The following UGP2 variants were observed in gnomAD, a reference collection of about 807,000 sequenced individuals.
The protein encoded by UGP2 is UTP--glucose-1-phosphate uridylyltransferase.
UGP2 carries 40 observed loss-of-function variants against 49.0 expected under a neutral mutation model. That is an observed-to-expected ratio of 0.82 (90% CI 0.63 to 1.06). The LOEUF (loss-of-function observed/expected upper bound fraction) is 1.06, where lower values mean the gene tolerates loss of function less well. Among genes scored for constraint, UGP2 ranks in the 50% least tolerant of loss-of-function variants. UGP2 has a pLI of 0.00. For missense variants in UGP2, 460 were observed against 603.5 expected, an observed-to-expected ratio of 0.76 and a Z score of 2.49; for synonymous variants, 225 against 213.0, an observed-to-expected ratio of 1.06 and a Z score of -0.49.
chr2:63,876,665 C>T (rs1011386079), intron 3 of UGP2, among the ~76,000 whole-genome samples: 7 of 152,192 alleles, frequency 4.6e-5, no homozygotes, highest in African/African-American at 7.2e-5. Flanking sequence ...AGAGGTGGGG[C>T]GGCTTTCTGC....
chr2:63,888,809 A>G (rs1239812735), intron 8 of UGP2: 3 of 152,238 alleles, frequency 2.0e-5, no homozygotes, highest in African/African-American at 7.2e-5. Context: ...CAGCGTTATA[A>G]CAAAGTAACA....
chr2:63,844,236 C>CCT (rs1315997378), intron 1 of UGP2, among the ~76,000 whole-genome samples: 4 of 152,092 alleles, frequency 2.6e-5, no homozygotes, highest in African/African-American at 9.7e-5. Flanking sequence ...AAATGATAAA[C>CCT]CTAATTGGCA....
intron 3 of UGP2, among the ~76,000 whole-genome samples, chr2:63,865,387 T>C (rs1670113502): frequency 6.6e-6 from 1 of 152,174 alleles, no homozygotes; most frequent in African/African-American, 2.4e-5. Flanking sequence ...ACTTTTGGTT[T>C]AGTGAGGAGA....
chr2:63,890,124 T>C lies in UGP2; in HGVS notation c.1358T>C (p.Leu453Pro), dbSNP rs1671987967. The part of the protein sequence containing the change: ...LRRFESIPDM[L>P]ELDHLTVSGD... ...AGATTTGAAAGTATACCAGATATGC[T>C]TGAATTGGATCACCTCACAGTTTCA... Residue 453 changes from leucine (L) to proline (P), a missense_variant, in exon 9 of 10, where the codon CTT becomes CCT. Around this residue, in one of 2 missense-constraint regions of UGP2, gnomAD observed 317 missense variants for 473.0 expected, o/e 0.67. Coordinates refer to ENST00000337130, the MANE Select transcript of UGP2 (RefSeq NM_006759.4). The C allele has an allele frequency of 6.2e-7, 1 of 1,612,638 alleles. No individual in the cohort carries two copies.
At chr2:63,841,394 G>A (rs1052089003), upstream of UGP2, among the ~76,000 whole-genome samples, 2 of 152,064 alleles carry the variant, frequency 1.3e-5, no homozygotes, top group Non-Finnish European at 2.9e-5. Flanking sequence ...GTACGGGAAG[G>A]GTCGGTGCCC....
intron 1 of UGP2, among the ~76,000 whole-genome samples, chr2:63,843,060 G>A (rs1472953115): frequency 6.6e-6 from 1 of 152,176 alleles, no homozygotes; most frequent in African/African-American, 2.4e-5. Context: ...CACACAGCTA[G>A]TAAAGTTCAC....
At chr2:63,863,988 C>G (rs1179439508) in intron 3 of UGP2, among the ~76,000 whole-genome samples, 1 of 152,174 alleles carries the variant, frequency 6.6e-6, no homozygotes, top group African/African-American at 2.4e-5. Flanking sequence ...AAAATATTCT[C>G]TTATTTCAAA....
At chr2:63,870,870 C>T (rs1558950035) in intron 3 of UGP2, among the ~76,000 whole-genome samples, 2 of 152,204 alleles carry the variant, frequency 1.3e-5, no homozygotes. Context: ...TGATAGGAGG[C>T]GGTAGCTCCC....
chr2:63,887,946 ATACT>A, intron 8 of UGP2: 1 of 308,136 alleles, frequency 3.2e-6, no homozygotes, highest in South Asian at 4.1e-5. Flanking sequence ...GGCTTAACAA[ATACT>A]TATTGAATGC....
chr2:63,870,201 T>A (rs1231524135), intron 3 of UGP2, among the ~76,000 whole-genome samples: 1 of 152,152 alleles, frequency 6.6e-6, no homozygotes, highest in African/African-American at 2.4e-5. Context: ...GGATTACCGG[T>A]GTGAGCCACC....
intron 8 of UGP2, chr2:63,889,328 C>CA (rs1167618081): frequency 6.6e-6 from 1 of 150,560 alleles, no homozygotes; most frequent in Non-Finnish European, 1.5e-5. Context: ...GATGTTTATA[C>CA]ATTAATGGGA....
chr2:63,874,515 CAGAA>C (rs934774926), intron 3 of UGP2, among the ~76,000 whole-genome samples: 2 of 151,940 alleles, frequency 1.3e-5, no homozygotes, highest in African/African-American at 2.4e-5. Context: ...AAGGAGCAGG[CAGAA>C]AGAGGAGGAA....
chr2:63,866,206 A>G (rs1043568415), intron 3 of UGP2, among the ~76,000 whole-genome samples: 1 of 152,214 alleles, frequency 6.6e-6, no homozygotes, highest in Non-Finnish European at 1.5e-5. Flanking sequence ...CAGAATGTAT[A>G]TTATTGATGT....
intron 1 of UGP2, among the ~76,000 whole-genome samples, chr2:63,850,030 C>T (rs1668943491): frequency 6.6e-6 from 1 of 152,178 alleles, no homozygotes; most frequent in South Asian, 2.1e-4. Flanking sequence ...TTCTTCTCAT[C>T]CATTAAACAT....
At chr2:63,842,325 C>T in intron 1 of UGP2, 121 bp downstream of exon 1, 10 of 1,606,046 alleles carry the variant, frequency 6.2e-6, no homozygotes, top group Non-Finnish European at 8.5e-6. Flanking sequence ...TTGCGAAACC[C>T]TTTTCGTTGA....
chr2:63,847,631 A>C (rs1672020931), intron 1 of UGP2, among the ~76,000 whole-genome samples: 1 of 152,044 alleles, frequency 6.6e-6, no homozygotes, highest in Non-Finnish European at 1.5e-5. Flanking sequence ...TTACAGTCAA[A>C]GGGGGTTTGT....
intron 3 of UGP2, among the ~76,000 whole-genome samples, chr2:63,878,818 A>C (rs1332811587): frequency 2.0e-5 from 3 of 152,180 alleles, no homozygotes; most frequent in Admixed American, 6.5e-5. Flanking sequence ...CTCCTGCCTC[A>C]GACTCCCAAA....
intron 9 of UGP2, 104 bp from the exon 10 acceptor site, chr2:63,891,016 C>T (rs1056258410): frequency 3.7e-6 from 3 of 819,932 alleles, no homozygotes; most frequent in Non-Finnish European, 5.5e-6. Flanking sequence ...AAAAAAGTTA[C>T]TTCACTGTAA....
intron 3 of UGP2, chr2:63,863,058 G>A (rs1473573751): frequency 6.9e-6 from 2 of 290,824 alleles, no homozygotes; most frequent in Non-Finnish European, 6.8e-6. Flanking sequence ...TAAGGATATG[G>A]GTCAGATGTT....
Sources: gnomAD v4.1 joint callset for allele counts (sites outside exome capture counted in the v4.1 genomes callset) on GRCh38, gnomAD v4.1.1 for gene constraint, gnomAD v4.1.1 regional missense constraint, MANE v1.5 for transcripts, NCBI Gene and HGNC (gene_info 2026-07-23, HGNC 2026-07-21) for gene names.